The following LAMC1 variants were observed in gnomAD, a reference collection of about 807,000 sequenced individuals.
LAMC1 encodes laminin subunit gamma 1, also known as laminin subunit gamma-1.
Under a neutral mutation model 173.6 loss-of-function variants are expected in LAMC1, and 38 were observed. That is an observed-to-expected ratio of 0.22 (90% confidence interval 0.17 to 0.29). The LOEUF is 0.29. Among genes scored for constraint, LAMC1 ranks in the 10% least tolerant of loss-of-function variants. The pLI, the probability that LAMC1 is intolerant of heterozygous loss-of-function variation, is 1.00. For missense variants in LAMC1, 1,824 were observed against 2,051.8 expected, an observed-to-expected ratio of 0.89 and a Z score of 2.14; for synonymous variants, 746 against 749.1, an observed-to-expected ratio of 1.00 and a Z score of 0.07.
intron 1 of LAMC1, among the ~76,000 whole-genome samples, chr1:183,089,423 A>G (rs1461674098): frequency 6.6e-6 from 1 of 152,230 alleles, no homozygotes; most frequent in Non-Finnish European, 1.5e-5. Context: ...ATAATTTGTC[A>G]TGTGATCTCC....
chr1:183,085,876 GCT>G (rs1466379346), intron 1 of LAMC1, among the ~76,000 whole-genome samples: 1 of 152,110 alleles, frequency 6.6e-6, no homozygotes, highest in Non-Finnish European at 1.5e-5. Flanking sequence ...CTACCACTTA[GCT>G]CTTTTTCTCC....
At chr1:183,024,211 G>A (rs1571393803) in intron 1 of LAMC1, 77 bp downstream of exon 1, 3 of 1,399,642 alleles carry the variant, frequency 2.1e-6, no homozygotes, top group South Asian at 2.9e-5. Flanking sequence ...CCCAGTGGCC[G>A]GCCTCACGGG....
In LAMC1 at chr1:183,124,649, G is replaced by C; in HGVS notation, c.2420G>C (p.Cys807Ser). Reference sequence around the variant, plus strand: ...TCCCCAGGTAAGAGATGTGAGCTCTGTGATGATGGCTACTTTGGAGACCCC... The same window carrying C: ...TCCCCAGGTAAGAGATGTGAGCTCTCTGATGATGGCTACTTTGGAGACCCC... ...TGTTGKRCEL[C>S]DDGYFGDPLG... The change falls in exon 14 of 28, where the codon TGT becomes TCT. Residue 807 changes from cysteine (C) to serine (S), a missense_variant. Physicochemically the swap from Cys to Ser is moderately radical, Grantham distance 112. Coordinates refer to ENST00000258341, the MANE Select transcript of LAMC1 (RefSeq NM_002293.4). The C allele has an allele frequency of 6.2e-7, 1 of 1,614,216 alleles. No individual in the cohort carries two copies. The highest frequency in any genetic ancestry group is 8.5e-7 in the Non-Finnish European group (1 of 1,180,038).
rs888468379 is a variant in LAMC1 at position 183,081,412 on chromosome 1, A to G, written c.419-21916A>G. On this transcript the variant is annotated intron_variant, in intron 1 of 27. Coordinates refer to ENST00000258341, the MANE Select transcript of LAMC1 (RefSeq NM_002293.4). The stretch of plus-strand genomic sequence containing the variant: ...CAGGAATTTGAGACCAGCTTGGCCA[A>G]CGTGGTGAAACCCCATCTCTACTGA... Among the ~76,000 whole-genome samples, 17 of 151,882 alleles carry G rather than the reference A, an allele frequency of 1.1e-4. No homozygotes were observed. The East Asian group carries it at 1.4e-3, about 12-fold the overall frequency.
chr1:183,069,518 G>T (rs1318924589), intron 1 of LAMC1, among the ~76,000 whole-genome samples: 1 of 152,208 alleles, frequency 6.6e-6, no homozygotes, highest in Admixed American at 6.5e-5. Context: ...TTATTCTGTT[G>T]TTTCAGTGGG....
chr1:183,127,748 C>T (rs1363583545), intron 17 of LAMC1, among the ~76,000 whole-genome samples: 1 of 152,104 alleles, frequency 6.6e-6, no homozygotes, highest in African/African-American at 2.4e-5. Flanking sequence ...ACCTGGTATA[C>T]AGAGGCCTGA....
chr1:183,062,133 G>A (rs886228504), intron 1 of LAMC1, among the ~76,000 whole-genome samples: 7 of 152,132 alleles, frequency 4.6e-5, no homozygotes, highest in South Asian at 4.1e-4. Flanking sequence ...TTAAATTTAA[G>A]GTGGAAATCT....
At chr1:183,066,976 T>A (rs938620034) in intron 1 of LAMC1, among the ~76,000 whole-genome samples, 10 of 152,146 alleles carry the variant, frequency 6.6e-5, no homozygotes, top group African/African-American at 2.4e-4. Context: ...TAAAAAAAAA[T>A]GTAAAGAAAA....
At chr1:183,075,886 T>G (rs1317924201) in intron 1 of LAMC1, among the ~76,000 whole-genome samples, 2 of 152,192 alleles carry the variant, frequency 1.3e-5, no homozygotes, top group Non-Finnish European at 2.9e-5. Flanking sequence ...TTCAAACAGA[T>G]CCTTGAGTTC....
intron 18 of LAMC1, 29 bp downstream of exon 18, chr1:183,128,779 C>T: frequency 1.3e-6 from 2 of 1,530,200 alleles, no homozygotes; most frequent in Admixed American, 1.8e-5. Context: ...TGCATGACTT[C>T]TGTGAGATGG....
Position 183,130,519 on chromosome 1 carries a change from T to C in LAMC1, c.3456T>C (p.Leu1152=), listed in dbSNP as rs568891357. ...ERLIEIASRE[L]EKAKVAAANV... ...TGATTGAAATCGCATCCAGAGAACT[T>C]GAGAAAGCAAAAGTCGCTGCTGCCA... The change falls in exon 19 of 28, where the codon CTT becomes CTC. Residue 1152 remains leucine, a synonymous_variant. Coordinates refer to ENST00000258341, the MANE Select transcript of LAMC1 (RefSeq NM_002293.4). The C allele has an allele frequency of 1.7e-5, 28 of 1,614,110 alleles. No individual in the cohort carries two copies. The South Asian group carries it at 2.5e-4, about 15-fold the overall frequency.
In LAMC1 at chr1:183,117,656, G is replaced by A; in HGVS notation, c.1810G>A (p.Val604Ile). 6.2e-7 allele frequency: 1 copy of A among 1,614,246 alleles called. No homozygotes were observed. The highest frequency in any genetic ancestry group is 8.5e-7 in the Non-Finnish European group (1 of 1,180,046). Residue 604 changes from valine (V) to isoleucine (I), a missense_variant, in exon 10 of 28, where the codon GTA becomes ATA. Transcript: ENST00000258341. ...DLVLEGAGLR[V>I]SVPLIAQGNS... is the part of the protein sequence containing the mutation. ...TGTGCTTGAGGGAGCTGGCTTAAGA[G>A]TATCTGTACCCTTGATCGCTCAGGG...
intron 1 of LAMC1, among the ~76,000 whole-genome samples, chr1:183,089,618 G>A (rs1410676508): frequency 1.3e-5 from 2 of 152,070 alleles, no homozygotes; most frequent in Non-Finnish European, 2.9e-5. Context: ...TGCTTTACGG[G>A]GAAGGTGATT....
chr1:183,116,408 C>A (rs1054436544), intron 6 of LAMC1, among the ~76,000 whole-genome samples, 169 bp from the exon 7 acceptor site: 1 of 150,638 alleles, frequency 6.6e-6, no homozygotes, highest in African/African-American at 2.5e-5. Flanking sequence ...ACCCTGGAGG[C>A]GGAGGTTGCA....
intron 1 of LAMC1, among the ~76,000 whole-genome samples, chr1:183,037,367 T>G (rs775319712): frequency 1.3e-5 from 2 of 152,174 alleles, no homozygotes; most frequent in Non-Finnish European, 2.9e-5. Context: ...GCTTACTTTA[T>G]CTGACATTAT....
At chr1:183,073,102 G>C (rs1056535374) in intron 1 of LAMC1, among the ~76,000 whole-genome samples, 75 of 152,266 alleles carry the variant, frequency 4.9e-4, no homozygotes, top group African/African-American at 1.7e-3. Flanking sequence ...TTAAAGGACA[G>C]AGTCAGCTGG....
intron 22 of LAMC1, 42 bp from the exon 23 acceptor site, chr1:183,134,618 A>G (rs1418220321): frequency 3.3e-6 from 5 of 1,534,314 alleles, no homozygotes; most frequent in Admixed American, 3.8e-5. Context: ...ATTAGTTTAA[A>G]TGTTTTATCC....
At chr1:183,026,253 G>A (rs1653683440) in intron 1 of LAMC1, among the ~76,000 whole-genome samples, 2 of 152,104 alleles carry the variant, frequency 1.3e-5, no homozygotes, top group South Asian at 2.1e-4. Context: ...GTAAAAATAT[G>A]TACTTTAAAC....
At chr1:183,120,796 G>A (rs933495978) in intron 11 of LAMC1, among the ~76,000 whole-genome samples, 8 of 152,160 alleles carry the variant, frequency 5.3e-5, no homozygotes, top group Non-Finnish European at 1.2e-4. Flanking sequence ...GTAACCCTGA[G>A]TATTAGAACT....
Sources: allele counts gnomAD v4.1 joint callset (sites outside exome capture counted in the v4.1 genomes callset), GRCh38; gene constraint gnomAD v4.1.1; transcripts MANE v1.5; gene names NCBI Gene and HGNC (gene_info 2026-07-23, HGNC 2026-07-21).